DDX46: variants seen among roughly 807,000 people sequenced by gnomAD.
The protein encoded by DDX46 is DEAD-box helicase 46.
Under a neutral mutation model 134.9 loss-of-function variants are expected in DDX46, and 30 were observed. That is an observed-to-expected ratio of 0.22 (90% CI 0.17 to 0.30). DDX46 has a LOEUF of 0.30. DDX46 is among the 10% of genes least tolerant of loss of function. The probability of loss-of-function intolerance (pLI) is 1.00; values close to 1 mark genes in which losing one functional copy is unlikely to be tolerated. For synonymous variants in DDX46, 415 were observed against 404.1 expected (o/e 1.03, Z -0.32); for missense variants, 622 against 1,248.7 (o/e 0.50, Z 7.56).
intron 15 of DDX46, 37 bp downstream of exon 15, chr5:134,796,187 T>G (rs1156677033): frequency 2.5e-6 from 4 of 1,602,828 alleles, no homozygotes; most frequent in Admixed American, 1.7e-5. Flanking sequence ...AAATATCTAT[T>G]AAGTACTTGC....
chr5:134,796,201 G>A (rs765421007), intron 15 of DDX46, 51 bp downstream of exon 15: 3 of 1,582,462 alleles, frequency 1.9e-6, no homozygotes, highest in Non-Finnish European at 2.6e-6. Context: ...TACTTGCCAA[G>A]CATTGTGCTG....
intron 1 of DDX46, among the ~76,000 whole-genome samples, chr5:134,762,467 G>T (rs1013439348): frequency 1.3e-5 from 2 of 152,062 alleles, no homozygotes; most frequent in Non-Finnish European, 1.5e-5. Context: ...GGTGGCTCAT[G>T]CCTGTAATCC....
intron 11 of DDX46, among the ~76,000 whole-genome samples, chr5:134,788,146 A>G (rs1042448089): frequency 2.6e-5 from 4 of 151,728 alleles, no homozygotes; most frequent in Non-Finnish European, 5.9e-5. Context: ...TCTTTTTCTG[A>G]GGCAGGGTCT....
chr5:134,761,453 G>T (rs1285624402), intron 1 of DDX46, among the ~76,000 whole-genome samples: 1 of 152,204 alleles, frequency 6.6e-6, no homozygotes, highest in Non-Finnish European at 1.5e-5. Context: ...ACAAGTTTGG[G>T]TTTCTACAGA....
intron 13 of DDX46, among the ~76,000 whole-genome samples, chr5:134,791,347 T>G (rs1326312021): frequency 6.6e-6 from 1 of 152,162 alleles, no homozygotes; most frequent in Non-Finnish European, 1.5e-5. Flanking sequence ...GTAGATGAGG[T>G]CAGGAGATCG....
intron 1 of DDX46, among the ~76,000 whole-genome samples, chr5:134,761,673 G>C (rs1352469842): frequency 1.3e-5 from 2 of 152,006 alleles, no homozygotes; most frequent in African/African-American, 4.8e-5. Flanking sequence ...CTTCTCCCTG[G>C]ATTTCTCCCT....
intron 15 of DDX46, among the ~76,000 whole-genome samples, chr5:134,801,303 C>T (rs1754821527): frequency 6.6e-6 from 1 of 152,002 alleles, no homozygotes; most frequent in African/African-American, 2.4e-5. Flanking sequence ...GTAATGGAAT[C>T]CTACAGTATG....
At chr5:134,793,288 TA>T (rs977210955) in intron 13 of DDX46, among the ~76,000 whole-genome samples, 5 of 152,226 alleles carry the variant, frequency 3.3e-5, no homozygotes, top group African/African-American at 1.2e-4. Flanking sequence ...CACTGTCATG[TA>T]AATGAAAGCT....
chr5:134,793,411 ATTT>A (rs993878919), intron 13 of DDX46, among the ~76,000 whole-genome samples: 2 of 151,970 alleles, frequency 1.3e-5, no homozygotes, highest in Non-Finnish European at 2.9e-5. Flanking sequence ...ATTGGGAATT[ATTT>A]TTATTTATTT....
chr5:134,810,915 A>G (rs1287309313), intron 16 of DDX46, among the ~76,000 whole-genome samples: 1 of 152,118 alleles, frequency 6.6e-6, no homozygotes, highest in Non-Finnish European at 1.5e-5. Flanking sequence ...CTGAGGCAGG[A>G]GAATCACTTG....
chr5:134,777,824 A>T (rs1182933189), intron 6 of DDX46, 99 bp downstream of exon 6: 3 of 1,399,906 alleles, frequency 2.1e-6, no homozygotes, highest in Non-Finnish European at 2.9e-6. Flanking sequence ...TGTAAAGCTA[A>T]CAGTTTTCTT....
rs2150125554 is a variant in DDX46 at position 134,758,879 on chromosome 5, G to T, written c.-60G>T. The T allele has an allele frequency of 6.2e-7, 1 of 1,613,712 alleles. No individual in the cohort carries two copies. Among genetic ancestry groups the T allele is most frequent in the African/African-American group, 1.3e-5 (1 of 75,052 alleles). ...GCGTTGAGGGCAGCTCAGCCTCCTT[G>T]TTTGTCCGGTTCGCCTGTGCGTGGT... On this transcript the variant is annotated 5_prime_UTR_variant, in exon 1 of 23. Coordinates refer to ENST00000452510, the MANE Select transcript of DDX46 (RefSeq NM_001300860.2).
At chr5:134,808,799 T>C (rs184581901) in intron 16 of DDX46, among the ~76,000 whole-genome samples, 1 of 152,190 alleles carries the variant, frequency 6.6e-6, no homozygotes, top group Non-Finnish European at 1.5e-5. Flanking sequence ...AGACATTGAT[T>C]ATGATATATT....
chr5:134,760,833 C>T (rs1487386394), intron 1 of DDX46, among the ~76,000 whole-genome samples: 1 of 151,972 alleles, frequency 6.6e-6, no homozygotes, highest in Non-Finnish European at 1.5e-5. Flanking sequence ...GGGTTCACGC[C>T]ATTCTCCTGC....
At chr5:134,775,658 G>A (rs887275584) in intron 5 of DDX46, among the ~76,000 whole-genome samples, 13 of 152,090 alleles carry the variant, frequency 8.5e-5, no homozygotes, top group East Asian at 1.9e-4. Flanking sequence ...TGATCCGCCC[G>A]CCTTGGCCTA....
chr5:134,766,676 G>A (rs1179341824), intron 2 of DDX46, among the ~76,000 whole-genome samples: 2 of 152,180 alleles, frequency 1.3e-5, no homozygotes, highest in Non-Finnish European at 2.9e-5. Context: ...AGCTGCAATT[G>A]TGCCACTGCA....
chr5:134,795,497 C>T (rs1754629521), intron 14 of DDX46, among the ~76,000 whole-genome samples: 2 of 152,112 alleles, frequency 1.3e-5, no homozygotes, highest in African/African-American at 4.8e-5. Flanking sequence ...TGTTTAAAGA[C>T]AAGTAAAATA....
intron 15 of DDX46, among the ~76,000 whole-genome samples, chr5:134,800,136 C>T (rs368161122): frequency 3.3e-5 from 5 of 151,984 alleles, no homozygotes; most frequent in African/African-American, 7.2e-5. Flanking sequence ...TTAGTAGAGA[C>T]GGGATTTCAC....
At chr5:134,807,332 T>G (rs1326811277) in intron 15 of DDX46, among the ~76,000 whole-genome samples, 1 of 152,066 alleles carries the variant, frequency 6.6e-6, no homozygotes, top group African/African-American at 2.4e-5. Flanking sequence ...GATTCTGCAT[T>G]TCTAACAAGC....
Sources: allele counts gnomAD v4.1 joint callset (sites outside exome capture counted in the v4.1 genomes callset), GRCh38; gene constraint gnomAD v4.1.1; transcripts MANE v1.5; gene names NCBI Gene and HGNC (gene_info 2026-07-23, HGNC 2026-07-21).